MAGED1: variants seen among roughly 807,000 people sequenced by gnomAD.
MAGED1 encodes MAGE family member D1, also known as melanoma-associated antigen D1.
MAGED1 carries 3 observed loss-of-function variants against 54.1 expected under a neutral mutation model. The ratio of observed to expected loss-of-function variants is 0.06; its 90% CI spans 0.03 to 0.14. The LOEUF is 0.14. Ranked by LOEUF, MAGED1 falls within the 10% of genes least tolerant of loss-of-function variation. The pLI, the probability that MAGED1 is intolerant of heterozygous loss-of-function variation, is 1.00. For missense variants in MAGED1, 485 were observed against 623.4 expected, an observed-to-expected ratio of 0.78 and a Z score of 2.36; for synonymous variants, 217 against 227.3, an observed-to-expected ratio of 0.95 and a Z score of 0.41.
chrX:51,870,924 A>C (rs1383322727), intron 1 of MAGED1: 1 of 112,800 alleles, frequency 8.9e-6, no homozygotes, highest in Admixed American at 9.3e-5. Context: ...GAAAGATATA[A>C]ATTAATAAAA....
intron 1 of MAGED1, among the ~76,000 whole-genome samples, chrX:51,855,476 C>T (rs1410524842): frequency 1.8e-5 from 2 of 111,490 alleles, no homozygotes; most frequent in Non-Finnish European, 3.8e-5. Flanking sequence ...GGAGGCTAGA[C>T]GTCTGAGATC....
At chrX:51,824,808 A>G (rs1925787941) in intron 1 of MAGED1, among the ~76,000 whole-genome samples, 1 of 95,411 alleles carries the variant, frequency 1.0e-5, no homozygotes, top group African/African-American at 4.0e-5. Context: ...ATATACGTAC[A>G]TATATGTATA....
At chrX:51,860,586 A>G (rs781786689) in intron 1 of MAGED1, among the ~76,000 whole-genome samples, 7 of 111,592 alleles carry the variant, frequency 6.3e-5, no homozygotes, top group African/African-American at 9.8e-5. Context: ...GCAGTGTCCA[A>G]GAGGAATTAT....
intron 1 of MAGED1, among the ~76,000 whole-genome samples, chrX:51,806,754 T>C (rs1417628719): frequency 9.3e-6 from 1 of 108,087 alleles, no homozygotes; most frequent in Non-Finnish European, 1.9e-5. Flanking sequence ...GCCAGCCAGC[T>C]TTCCAAGGTG....
intron 1 of MAGED1, among the ~76,000 whole-genome samples, chrX:51,827,626 G>A (rs1307123166): frequency 9.0e-6 from 1 of 111,707 alleles, no homozygotes; most frequent in Non-Finnish European, 1.9e-5. Context: ...AGTGAGGGTG[G>A]TTGTGCATAT....
chrX:51,896,173 T>G, intron 3 of MAGED1: 1 of 422,176 alleles, frequency 2.4e-6, no homozygotes, highest in Non-Finnish European at 4.1e-6. Flanking sequence ...GCAGAACCAG[T>G]GGTGGACATA....
At chrX:51,836,950 GCTAA>G (rs1557357984) in intron 1 of MAGED1, among the ~76,000 whole-genome samples, 3 of 111,447 alleles carry the variant, frequency 2.7e-5, no homozygotes, top group Admixed American at 1.9e-4. Context: ...TCCCCATTCT[GCTAA>G]CTATTACCTG....
At chrX:51,902,082 G>T in intron 12 of MAGED1, 64 bp from the exon 13 acceptor site, 1 of 504,029 alleles carries the variant, frequency 2.0e-6, no homozygotes, top group African/African-American at 2.4e-5. Context: ...TCTTTGGTAT[G>T]TATATTCCTT....
intron 1 of MAGED1, among the ~76,000 whole-genome samples, chrX:51,852,716 G>C (rs1379789714): frequency 9.0e-6 from 1 of 111,680 alleles, no homozygotes; most frequent in East Asian, 2.8e-4. Context: ...CAGCAAAATG[G>C]TTTCCACGCC....
intron 1 of MAGED1, among the ~76,000 whole-genome samples, chrX:51,836,623 G>A (rs973318976): frequency 1.9e-5 from 2 of 106,674 alleles, no homozygotes; most frequent in African/African-American, 3.4e-5. Flanking sequence ...AGGCTGGAGT[G>A]CAGTGGCACG....
chrX:51,833,196 A>T (rs1557357603), intron 1 of MAGED1, among the ~76,000 whole-genome samples: 1 of 111,121 alleles, frequency 9.0e-6, no homozygotes, highest in African/African-American at 3.3e-5. Flanking sequence ...ATTAAACTAA[A>T]GCATTATATT....
chrX:51,892,989 C>T (rs1462826041), upstream of MAGED1, among the ~76,000 whole-genome samples: 1 of 110,596 alleles, frequency 9.0e-6, no homozygotes, highest in African/African-American at 3.3e-5. Flanking sequence ...TTTCCTCCCC[C>T]AACACACACA....
chrX:51,869,186 C>T (rs1222733972), intron 1 of MAGED1, among the ~76,000 whole-genome samples: 2 of 110,502 alleles, frequency 1.8e-5, no homozygotes, highest in South Asian at 3.9e-4. Context: ...CTAGACACTG[C>T]GTAATGGTGT....
rs1177008424 is a variant in MAGED1 at position 51,835,840 on chromosome X, G to A, written c.-37+32723G>A. Among the ~76,000 whole-genome samples the A allele has an allele frequency of 2.7e-5, 3 of 111,539 alleles. No individual in the cohort carries two copies. In the East Asian group the frequency reaches 8.4e-4, roughly 31 times the overall value. ...AAAAGTATTAATACTTCTCTCATCC[G>A]CTTTGGGGACTTTACCTGTGTATTA... On this transcript the variant is annotated intron_variant, in intron 1 of 12. Transcript: ENST00000375772.
At chrX:51,850,182 A>C (rs1298027826) in intron 1 of MAGED1, among the ~76,000 whole-genome samples, 1 of 111,387 alleles carries the variant, frequency 9.0e-6, no homozygotes, top group African/African-American at 3.3e-5. Flanking sequence ...CGACCTCCCA[A>C]AGTGCTGGGA....
chrX:51,840,887 A>G (rs1187920965), intron 1 of MAGED1, among the ~76,000 whole-genome samples: 28 of 110,889 alleles, frequency 2.5e-4, no homozygotes, highest in Non-Finnish European at 3.0e-4. Flanking sequence ...TAGTGCTGCA[A>G]TAAACATACA....
rs782011626 is a variant in MAGED1, at chrX:51,896,690, A to G, written c.1035A>G (p.Pro345=). Residue 345 remains proline, a synonymous_variant, in exon 4 of 13, where the codon CCA becomes CCG. Coordinates refer to ENST00000326587, the MANE Select transcript of MAGED1 (RefSeq NM_006986.4). ...CTTGGCAGAACCCAGTGATTTGGCC[A>G]AACCCAGTAATCTGGCAGAACCCAG... ...PVAWQNPVIW[P]NPVIWQNPVI... is the part of the protein sequence containing the mutation. 8 of 1,211,894 alleles carry G rather than the reference A, an allele frequency of 6.6e-6. No individual in the cohort carries two copies. The Middle Eastern group carries it at 1.4e-3, about 209-fold the overall frequency.
chrX:51,823,948 C>T (rs1925736130), intron 1 of MAGED1, among the ~76,000 whole-genome samples: 3 of 111,642 alleles, frequency 2.7e-5, no homozygotes, highest in South Asian at 3.7e-4. Context: ...TCACAAATTA[C>T]GTCTTTTTGC....
intron 1 of MAGED1, among the ~76,000 whole-genome samples, chrX:51,869,032 TGTGA>T (rs1927558609): frequency 9.0e-6 from 1 of 111,581 alleles, no homozygotes; most frequent in Non-Finnish European, 1.9e-5. Context: ...GGGGAATATA[TGTGA>T]GTGAGAGCAG....
Sources: gnomAD v4.1 joint callset for allele counts (sites outside exome capture counted in the v4.1 genomes callset) on GRCh38, gnomAD v4.1.1 for gene constraint, MANE v1.5 for transcripts, NCBI Gene and HGNC (gene_info 2026-07-23, HGNC 2026-07-21) for gene names.